PCDH15: variants seen among roughly 807,000 people sequenced by gnomAD.
PCDH15 encodes protocadherin-15.
In PCDH15, 129 loss-of-function variants were observed where a neutral mutation model predicts 178.5. That is an observed-to-expected ratio of 0.72 (90% CI 0.63 to 0.84). The LOEUF is 0.84. Among genes scored for constraint, PCDH15 ranks in the 40% least tolerant of loss-of-function variants. The probability of loss-of-function intolerance (pLI) is 0.00; values close to 1 mark genes in which losing one functional copy is unlikely to be tolerated. For missense variants in PCDH15, 2,230 were observed against 2,099.9 expected, an observed-to-expected ratio of 1.06 and a Z score of -1.21; for synonymous variants, 800 against 732.0, an observed-to-expected ratio of 1.09 and a Z score of -1.50.
At chr10:55,321,614 T>A (rs1318204137), upstream of PCDH15, among the ~76,000 whole-genome samples, 1 of 152,156 alleles carries the variant, frequency 6.6e-6, no homozygotes, top group Non-Finnish European at 1.5e-5. Context: ...GAGAAAGGAC[T>A]GGTCACCTAC....
intron 2 of PCDH15, among the ~76,000 whole-genome samples, chr10:55,153,766 G>A (rs1162442345): frequency 6.6e-6 from 1 of 152,108 alleles, no homozygotes; most frequent in African/African-American, 2.4e-5. Flanking sequence ...TGGTGCTTGA[G>A]GTTCAAGAAC....
At chr10:54,852,853 A>AG (rs1953648547) in intron 3 of PCDH15, among the ~76,000 whole-genome samples, 1 of 140,288 alleles carries the variant, frequency 7.1e-6, no homozygotes, top group East Asian at 2.0e-4. Flanking sequence ...ACTCTGTCTC[A>AG]AAAAAATAAA....
At chr10:54,105,847 TAGC>T (rs565078836) in intron 15 of PCDH15, among the ~76,000 whole-genome samples, 31 of 152,202 alleles carry the variant, frequency 2.0e-4, no homozygotes, top group Non-Finnish European at 4.0e-4. Context: ...TAAATATTAA[TAGC>T]AGTATTATTC....
At chr10:53,814,681 A>C (rs1485167768) in intron 35 of PCDH15, among the ~76,000 whole-genome samples, 2 of 152,056 alleles carry the variant, frequency 1.3e-5, no homozygotes, top group African/African-American at 4.8e-5. Flanking sequence ...ATTTGAGGAA[A>C]GAGCCCGGGT....
chr10:54,616,197 G>T (rs2093144586), intron 2 of PCDH15, among the ~76,000 whole-genome samples: 1 of 152,050 alleles, frequency 6.6e-6, no homozygotes, highest in African/African-American at 2.4e-5. Flanking sequence ...TCAGGTTTCT[G>T]CTGTTTGATC....
chr10:54,417,469 T>C (rs1011104318), intron 3 of PCDH15, among the ~76,000 whole-genome samples: 2 of 152,158 alleles, frequency 1.3e-5, no homozygotes, highest in African/African-American at 2.4e-5. Flanking sequence ...TAGTCTTGGG[T>C]GCTGAATTGC....
intron 1 of PCDH15, among the ~76,000 whole-genome samples, chr10:55,309,113 T>C (rs1193573180): frequency 6.6e-6 from 1 of 152,228 alleles, no homozygotes; most frequent in Admixed American, 6.5e-5. Context: ...AATCCAGTCA[T>C]TGTAATTTAA....
chr10:55,126,350 A>G (rs1247272273), intron 2 of PCDH15, among the ~76,000 whole-genome samples: 2 of 152,110 alleles, frequency 1.3e-5, no homozygotes, highest in Non-Finnish European at 2.9e-5. Context: ...CTGATTCTTC[A>G]TAACTATCCC....
chr10:55,175,060 G>T (rs1322378611), intron 1 of PCDH15, among the ~76,000 whole-genome samples: 1 of 151,964 alleles, frequency 6.6e-6, no homozygotes, highest in African/African-American at 2.4e-5. Flanking sequence ...TTTCCATATA[G>T]TGCCAAGAAA....
chr10:54,957,440 G>C (rs1405065339), intron 2 of PCDH15, among the ~76,000 whole-genome samples: 3 of 151,602 alleles, frequency 2.0e-5, no homozygotes, highest in Admixed American at 2.0e-4. Context: ...TGTGTGGTAG[G>C]ATAAAAGGTT....
At position 54,369,116 on chromosome 10, in the gene PCDH15, T is replaced by C; in HGVS notation, c.474+4A>G. On this transcript the variant is annotated splice_donor_region_variant and intron_variant, in intron 5 of 37. Coordinates refer to ENST00000644397, the MANE Select transcript of PCDH15 (RefSeq NM_001384140.1). ...GGACAGAGAGAGAGTAAATAGAAAC[T>C]GACCTCATTCACTGTGGCATAGTAG... The C allele has an allele frequency of 1.2e-6, 2 of 1,612,730 alleles. No homozygotes were observed.
chr10:55,528,676 T>A (rs897685837), intron 2 of PCDH15, among the ~76,000 whole-genome samples: 5 of 152,076 alleles, frequency 3.3e-5, no homozygotes, highest in Non-Finnish European at 5.9e-5. Context: ...GAATAGTGCC[T>A]CAATAAGCAT....
At chr10:55,006,048 C>T (rs1839920255) in intron 2 of PCDH15, among the ~76,000 whole-genome samples, 1 of 151,862 alleles carries the variant, frequency 6.6e-6, no homozygotes, top group South Asian at 2.1e-4. Context: ...AAGATTCAAT[C>T]AGGGTAATTA....
At chr10:55,207,876 G>A (rs1254831867) in intron 1 of PCDH15, among the ~76,000 whole-genome samples, 2 of 152,096 alleles carry the variant, frequency 1.3e-5, no homozygotes, top group East Asian at 1.9e-4. Context: ...GGCTGAGTCA[G>A]GAGAATCACT....
chr10:54,745,045 A>G, intron 1 of PCDH15, among the ~76,000 whole-genome samples: 1 of 152,194 alleles, frequency 6.6e-6, no homozygotes, highest in East Asian at 1.9e-4. Context: ...ATTTTATGAC[A>G]TGAATTATAT....
At chr10:55,509,221 G>A (rs1840826715) in intron 2 of PCDH15, among the ~76,000 whole-genome samples, 1 of 151,694 alleles carries the variant, frequency 6.6e-6, no homozygotes, top group Non-Finnish European at 1.5e-5. Flanking sequence ...GCCCTCAGAA[G>A]ATTTTAGGAT....
At chr10:54,534,248 T>C (rs1267699791) in intron 2 of PCDH15, among the ~76,000 whole-genome samples, 1 of 152,158 alleles carries the variant, frequency 6.6e-6, no homozygotes, top group Non-Finnish European at 1.5e-5. Context: ...CTCCCAAATA[T>C]TCAGTGAGGG....
chr10:55,472,611 C>G (rs1313710965), intron 2 of PCDH15, among the ~76,000 whole-genome samples: 3 of 152,154 alleles, frequency 2.0e-5, no homozygotes, highest in Non-Finnish European at 2.9e-5. Flanking sequence ...CTCTGTCGCC[C>G]AGGCTGGAGT....
At chr10:55,241,227 A>G (rs1446579703) in intron 1 of PCDH15, among the ~76,000 whole-genome samples, 1 of 152,110 alleles carries the variant, frequency 6.6e-6, no homozygotes, top group Non-Finnish European at 1.5e-5. Context: ...AAAACAAACA[A>G]ACAAACAAAC....
Sources: gnomAD v4.1 joint callset for allele counts (sites outside exome capture counted in the v4.1 genomes callset) on GRCh38, gnomAD v4.1.1 for gene constraint, MANE v1.5 for transcripts, NCBI Gene and HGNC (gene_info 2026-07-23, HGNC 2026-07-21) for gene names.